Variants in CAPN9 observed in about 807,000 individuals in gnomAD.
The protein encoded by CAPN9 is calpain 9.
In CAPN9, 81 loss-of-function variants were observed where a neutral mutation model predicts 92.8. The observed-to-expected ratio is 0.87, with a 90% CI of 0.73 to 1.05. The LOEUF (loss-of-function observed/expected upper bound fraction) is 1.05, where lower values mean the gene tolerates loss of function less well. Ranked by LOEUF, CAPN9 falls within the 50% of genes least tolerant of loss-of-function variation. The pLI, the probability that CAPN9 is intolerant of heterozygous loss-of-function variation, is 0.00. For synonymous variants in CAPN9, 304 were observed against 328.0 expected (o/e 0.93, Z 0.79); for missense variants, 848 against 866.2 (o/e 0.98, Z 0.26).
At chr1:230,796,135 AG>A (rs948069109) in intron 18 of CAPN9, among the ~76,000 whole-genome samples, 1 of 151,724 alleles carries the variant, frequency 6.6e-6, no homozygotes, top group Non-Finnish European at 1.5e-5. Context: ...GCTCGAGACC[AG>A]CTCATAGCGA....
chr1:230,770,522 A>T (rs1666321669), intron 6 of CAPN9, among the ~76,000 whole-genome samples: 1 of 152,192 alleles, frequency 6.6e-6, no homozygotes, highest in African/African-American at 2.4e-5. Context: ...ACATAAAATT[A>T]ATCACCACGA....
At chr1:230,768,492 G>A (rs1666153708) in intron 5 of CAPN9, among the ~76,000 whole-genome samples, 1 of 150,492 alleles carries the variant, frequency 6.6e-6, no homozygotes, top group Non-Finnish European at 1.5e-5. Flanking sequence ...ATCAAGGTCA[G>A]TTGGTTTGAT....
At chr1:230,780,447 A>G (rs1443578029) in intron 10 of CAPN9, 53 bp from the exon 11 acceptor site, 2 of 1,605,862 alleles carry the variant, frequency 1.2e-6, no homozygotes, top group Non-Finnish European at 1.7e-6. Context: ...ATTGTGTCCG[A>G]AAAGCCAAGA....
Position 230,791,898 on chromosome 1 carries a change from C to A in CAPN9, c.1692C>A (p.Ile564=). 1 of 1,613,550 alleles carries A rather than the reference C, an allele frequency of 6.2e-7. No homozygotes were observed. Among genetic ancestry groups the A allele is most frequent in the Non-Finnish European group, 8.5e-7 (1 of 1,179,484 alleles). Residue 564 remains isoleucine (I), a synonymous_variant, in exon 15 of 20, where the codon ATC becomes ATA. Transcript: ENST00000271971. ...KDIKFKKLSL[I]SCKNIISLMD... ...TCAAATTCAAGAAGCTAAGCCTGAT[C>A]TCCTGTAAAAACATCATTTCCCTGA...
intron 18 of CAPN9, among the ~76,000 whole-genome samples, chr1:230,796,417 C>G (rs1364580080): frequency 6.6e-6 from 1 of 151,462 alleles, no homozygotes; most frequent in Non-Finnish European, 1.5e-5. Flanking sequence ...GGCTGTGACC[C>G]TTGGTTATCA....
chr1:230,792,339 TC>T, intron 15 of CAPN9, 86 bp from the exon 16 acceptor site: 1 of 1,120,938 alleles, frequency 8.9e-7, no homozygotes, highest in Non-Finnish European at 1.4e-6. Flanking sequence ...CCATCGGCCC[TC>T]CCCCTCTGCA....
intron 19 of CAPN9, among the ~76,000 whole-genome samples, chr1:230,800,222 AGAAAGAAAG>A (rs1668593058): frequency 3.9e-5 from 2 of 51,018 alleles, no homozygotes; most frequent in Non-Finnish European, 8.9e-5. Context: ...AAGAAAAATA[AGAAAGAAAG>A]AAGAAAGAAA....
chr1:230,798,002 G>A (rs1668460823), intron 18 of CAPN9, among the ~76,000 whole-genome samples, 160 bp from the exon 19 acceptor site: 1 of 152,146 alleles, frequency 6.6e-6, no homozygotes, highest in Non-Finnish European at 1.5e-5. Flanking sequence ...GCCCGCCCTT[G>A]ATGAGAGTCC....
At chr1:230,794,868 G>A (rs1459716550) in intron 17 of CAPN9, among the ~76,000 whole-genome samples, 1 of 152,194 alleles carries the variant, frequency 6.6e-6, no homozygotes, top group Non-Finnish European at 1.5e-5. Flanking sequence ...TATGGGTGAT[G>A]TTAGCATCAA....
chr1:230,780,683 T>G lies in CAPN9; in HGVS notation c.1456T>G (p.Phe486Val). The G allele has an allele frequency of 6.2e-7, 1 of 1,613,992 alleles. No homozygotes were observed. Among genetic ancestry groups the G allele is most frequent in the Non-Finnish European group, 8.5e-7 (1 of 1,179,978 alleles). ...HQEADFCLRI[F>V]SEKKAITRDM... Reference sequence around the variant, plus strand: ...GGAAGCTGATTTCTGTCTGAGAATCTTTTCAGAGAAAAAAGCCATTACCCG... The same window carrying G: ...GGAAGCTGATTTCTGTCTGAGAATCGTTTCAGAGAAAAAAGCCATTACCCG... Residue 486 changes from phenylalanine to valine, a missense_variant, in exon 11 of 20, where the codon TTT becomes GTT. Physicochemically the swap from Phe to Val is conservative, Grantham distance 50. Coordinates refer to ENST00000271971, the MANE Select transcript of CAPN9 (RefSeq NM_006615.3).
At chr1:230,801,461 C>A in intron 19 of CAPN9, 109 bp from the exon 20 acceptor site, 2 of 1,018,354 alleles carry the variant, frequency 2.0e-6, no homozygotes, top group South Asian at 1.3e-5. Flanking sequence ...GCAAAATGAT[C>A]AAATAGCAGA....
chr1:230,781,955 T>C (rs1360674116), intron 11 of CAPN9, among the ~76,000 whole-genome samples: 1 of 152,226 alleles, frequency 6.6e-6, no homozygotes, highest in Non-Finnish European at 1.5e-5. Flanking sequence ...CAGAGAATTT[T>C]TCTCCAGCCT....
intron 18 of CAPN9, 27 bp downstream of exon 18, chr1:230,795,306 C>A: frequency 7.0e-7 from 1 of 1,436,022 alleles, no homozygotes; most frequent in Non-Finnish European, 9.8e-7. Context: ...GCTGAGGGTG[C>A]ACCTCGGGGT....
chr1:230,767,480 G>C (rs946470316), intron 4 of CAPN9, 61 bp from the exon 5 acceptor site: 24 of 1,380,976 alleles, frequency 1.7e-5, no homozygotes, highest in Admixed American at 2.3e-5. Flanking sequence ...CTGAAAGCAG[G>C]GTGCCCCAGT....
intron 8 of CAPN9, chr1:230,776,268 C>G (rs1344466544): frequency 6.6e-6 from 1 of 152,172 alleles, no homozygotes; most frequent in Non-Finnish European, 1.5e-5. Context: ...TATAATGGCA[C>G]TAACCCCATC....
intron 12 of CAPN9, among the ~76,000 whole-genome samples, chr1:230,786,528 G>A (rs559332129): frequency 6.6e-6 from 1 of 152,324 alleles, no homozygotes; most frequent in African/African-American, 2.4e-5. Flanking sequence ...TTGCTAGGCA[G>A]AGGTAGAAGT....
chr1:230,754,228 T>C (rs1036253593), intron 1 of CAPN9, among the ~76,000 whole-genome samples: 1 of 152,108 alleles, frequency 6.6e-6, no homozygotes, highest in Non-Finnish European at 1.5e-5. Flanking sequence ...TGTCGTCCAA[T>C]GTCAGGAATG....
intron 11 of CAPN9, among the ~76,000 whole-genome samples, chr1:230,783,669 G>A (rs1667379650): frequency 6.6e-6 from 1 of 152,158 alleles, no homozygotes; most frequent in African/African-American, 2.4e-5. Context: ...TTGTAAATTA[G>A]TCTTAGGTAT....
chr1:230,762,673 G>A lies in CAPN9; in HGVS notation c.423G>A (p.Trp141Ter). The A allele has an allele frequency of 6.2e-7, 1 of 1,614,112 alleles. No homozygotes were observed. The highest frequency in any genetic ancestry group is 2.2e-5 in the East Asian group (1 of 44,890). Residue 141 changes from tryptophan to a stop codon, truncating the protein, a stop_gained, in exon 4 of 20, where the codon TGG becomes TGA. Transcript: ENST00000271971. LOFTEE classifies it high-confidence loss of function. ...FHFQFWQHSEWLDVVIDDRLP... is the reference protein window; with the variant it reads ...FHFQFWQHSE ...AACAGTTCTGGCAGCACAGTGAGTG[G>A]CTGGACGTGGTGATCGATGACCGCC...
Sources: allele counts gnomAD v4.1 joint callset (sites outside exome capture counted in the v4.1 genomes callset), GRCh38; gene constraint gnomAD v4.1.1; transcripts MANE v1.5; gene names NCBI Gene and HGNC (gene_info 2026-07-23, HGNC 2026-07-21).